PISD: variants seen among roughly 807,000 people sequenced by gnomAD.
PISD encodes phosphatidylserine decarboxylase proenzyme, mitochondrial.
A neutral mutation model predicts 43.5 loss-of-function variants in PISD; 31 were observed. The ratio of observed to expected loss-of-function variants is 0.71; its 90% CI spans 0.54 to 0.96. PISD has a LOEUF of 0.96. PISD is among the 40% of genes least tolerant of loss of function. The probability of loss-of-function intolerance (pLI) is 0.00; values close to 1 mark genes in which losing one functional copy is unlikely to be tolerated. For missense variants in PISD, 523 were observed against 548.4 expected (o/e 0.95, Z 0.46); for synonymous variants, 259 against 228.7 (o/e 1.13, Z -1.20).
At chr22:31,621,170 C>T in intron 5 of PISD, 28 bp from the exon 6 acceptor site, 1 of 1,613,934 alleles carries the variant, frequency 6.2e-7, no homozygotes, top group Non-Finnish European at 8.5e-7. Context: ...ACGTGGGGGC[C>T]ACCAACACAG....
At chr22:31,636,458 G>A (rs2073439000) in intron 3 of PISD, among the ~76,000 whole-genome samples, 2 of 152,106 alleles carry the variant, frequency 1.3e-5, no homozygotes, top group African/African-American at 2.4e-5. Flanking sequence ...CACCTTCCGG[G>A]TTCAAGCGAT....
At chr22:31,637,161 AAAAATATATATATATATATAT>A (rs1252905502) in intron 3 of PISD, among the ~76,000 whole-genome samples, 286 of 23,318 alleles carry the variant, frequency 0.012, 10 homozygotes, top group African/African-American at 0.046. Context: ...AAAAAAAAAA[AAAAATATATATATATATATAT>A]ATATATATAT....
chr22:31,636,250 T>G (rs977619910), intron 3 of PISD, among the ~76,000 whole-genome samples: 1 of 152,142 alleles, frequency 6.6e-6, no homozygotes, highest in South Asian at 2.1e-4. Flanking sequence ...CTGTCTTTAT[T>G]CCTTTTGATG....
At chr22:31,650,218 C>A (rs2073994484) in intron 2 of PISD, among the ~76,000 whole-genome samples, 1 of 152,188 alleles carries the variant, frequency 6.6e-6, no homozygotes, top group African/African-American at 2.4e-5. Flanking sequence ...TGGCTCAGGC[C>A]TGTAATGCCA....
chr22:31,645,048 A>C (rs2073844143), intron 3 of PISD, among the ~76,000 whole-genome samples: 1 of 152,106 alleles, frequency 6.6e-6, no homozygotes, highest in Admixed American at 6.6e-5. Flanking sequence ...CTTGAACCCA[A>C]GGGTGGAGCT....
In PISD at chr22:31,620,603, T is replaced by C. The variant is rs770359288; in HGVS notation, c.955A>G (p.Thr319Ala). The part of the protein sequence containing the change: ...GDWKHGFFSL[T>A]AVGATNVGSI... ...CCCACGTTGGTGGCCCCCACAGCTG[T>C]CAGTGAGAAGAAGCCATGTTTCCAG... Residue 319 changes from threonine (T) to alanine (A), a missense_variant, in exon 7 of 8, where the codon ACA becomes GCA. Coordinates refer to ENST00000439502, the MANE Select transcript of PISD (RefSeq NM_001326411.2). 4 of 1,614,072 alleles carry C rather than the reference T, an allele frequency of 2.5e-6. No homozygotes were observed. The highest frequency in any genetic ancestry group is 3.4e-6 in the Non-Finnish European group (4 of 1,180,034).
At chr22:31,658,226 T>C (rs2074230937) in intron 1 of PISD, among the ~76,000 whole-genome samples, 1 of 152,180 alleles carries the variant, frequency 6.6e-6, no homozygotes. Flanking sequence ...ATCCTTCAAG[T>C]AGGCAATTAA....
intron 3 of PISD, chr22:31,623,658 A>T: frequency 4.4e-6 from 7 of 1,599,866 alleles, no homozygotes; most frequent in Non-Finnish European, 6.0e-6. Flanking sequence ...GGGAGGTCCG[A>T]GCCACAGGGG....
chr22:31,639,310 T>TA (rs1394335929), intron 3 of PISD, among the ~76,000 whole-genome samples: 2 of 152,160 alleles, frequency 1.3e-5, no homozygotes, highest in Non-Finnish European at 2.9e-5. Context: ...TAGCTAGGAT[T>TA]ACAGGCGCCC....
At chr22:31,623,187 A>T (rs1307499958) in intron 3 of PISD, among the ~76,000 whole-genome samples, 1 of 152,188 alleles carries the variant, frequency 6.6e-6, no homozygotes, top group African/African-American at 2.4e-5. Flanking sequence ...GGACCAGGAG[A>T]GGACAAGCCA....
intron 1 of PISD, among the ~76,000 whole-genome samples, chr22:31,658,011 T>G (rs1368651886): frequency 3.9e-5 from 6 of 152,226 alleles, no homozygotes; most frequent in African/African-American, 1.2e-4. Flanking sequence ...TTATCTTGCT[T>G]TCTTTTTCTT....
At chr22:31,632,933 T>C (rs1185938445) in intron 3 of PISD, among the ~76,000 whole-genome samples, 1 of 152,170 alleles carries the variant, frequency 6.6e-6, no homozygotes, top group Non-Finnish European at 1.5e-5. Context: ...TTTCATTCTA[T>C]GTTTTGCTTA....
At chr22:31,645,788 C>T (rs1260730969) in intron 3 of PISD, among the ~76,000 whole-genome samples, 7 of 146,272 alleles carry the variant, frequency 4.8e-5, no homozygotes, top group Admixed American at 2.1e-4. Context: ...ACCGGGGAGG[C>T]GGAGGTTGCA....
intron 3 of PISD, among the ~76,000 whole-genome samples, chr22:31,629,549 G>T (rs2073093648): frequency 6.8e-6 from 1 of 147,372 alleles, no homozygotes; most frequent in African/African-American, 2.5e-5. Flanking sequence ...AGGTGAGGGG[G>T]TGTGTGCCTG....
chr22:31,634,983 A>G (rs1420278631), intron 3 of PISD, among the ~76,000 whole-genome samples: 1 of 151,806 alleles, frequency 6.6e-6, no homozygotes, highest in African/African-American at 2.4e-5. Flanking sequence ...CCTGGCCAAC[A>G]TGGTGAAACC....
In PISD at chr22:31,621,136, G is replaced by C. The variant is rs771449559; in HGVS notation, c.704C>G (p.Ser235Trp). The change falls in exon 6 of 8, where the codon TCG becomes TGG. Residue 235 changes from serine (S) to tryptophan (W), a missense_variant. By Grantham distance (177) the Ser-to-Trp change is radical. Coordinates refer to ENST00000439502, the MANE Select transcript of PISD (RefSeq NM_001326411.2). Reference sequence around the variant, plus strand: ...CAGCTGGTTCTTGAAGGAGTCACACGACGCGGCTGTGGAGTAGGAGCAGAC... The same window carrying C: ...CAGCTGGTTCTTGAAGGAGTCACACCACGCGGCTGTGGAGTAGGAGCAGAC... The part of the protein sequence containing the change: ...TEDLPFPPAA[S>W]CDSFKNQLVT... 36 of 1,614,056 alleles carry C rather than the reference G, an allele frequency of 2.2e-5. No individual in the cohort carries two copies. The highest frequency in any genetic ancestry group is 3.1e-5 in the Non-Finnish European group (36 of 1,180,044).
At chr22:31,637,143 T>TAAAAAAA (rs1170100945) in intron 3 of PISD, among the ~76,000 whole-genome samples, 1 of 31,620 alleles carries the variant, frequency 3.2e-5, no homozygotes, top group Non-Finnish European at 5.5e-5. Flanking sequence ...ATAAATAAAT[T>TAAAAAAA]AAAAAAAAAA....
chr22:31,647,496 A>G (rs1340310641), intron 3 of PISD, among the ~76,000 whole-genome samples: 5 of 152,208 alleles, frequency 3.3e-5, no homozygotes, highest in Non-Finnish European at 7.3e-5. Context: ...TATTTGTTAA[A>G]TTATGGCTGC....
rs560575991 is a variant in PISD at position 31,630,903 on chromosome 22, A to C, written c.322-9018T>G. 5.6e-4 allele frequency: 543 copies of C among 974,804 alleles called. 8 individuals carry two copies. The South Asian group carries it at 0.022, about 39-fold the overall frequency. 60.4% of individuals were successfully genotyped at this position (974,804 alleles called of 1,614,324 possible). A position where few individuals can be genotyped will look rare whatever the true frequency, so the allele number is the denominator to read the frequency against. The stretch of plus-strand genomic sequence containing the variant: ...GGCGGGGCTCGGGCTCCAGCCACTC[A>C]GACTACCAGGGGCGGGGGCAGGAGG... On this transcript the variant is annotated intron_variant, in intron 3 of 7. Transcript: ENST00000439502. This position sits in a 1 kb window ranked among gnomAD's most constrained non-coding sequence, Gnocchi z 4.4.
Sources: allele counts gnomAD v4.1 joint callset (sites outside exome capture counted in the v4.1 genomes callset), GRCh38; gene constraint gnomAD v4.1.1; non-coding constraint Gnocchi (gnomAD v3.1); transcripts MANE v1.5; gene names NCBI Gene and HGNC (gene_info 2026-07-23, HGNC 2026-07-21).